PPP6R3: variants seen among roughly 807,000 people sequenced by gnomAD.
PPP6R3 encodes serine/threonine-protein phosphatase 6 regulatory subunit 3.
Under a neutral mutation model 110.7 loss-of-function variants are expected in PPP6R3, and 38 were observed. The observed-to-expected ratio is 0.34, with a 90% CI of 0.26 to 0.45. PPP6R3 has a LOEUF of 0.45. Ranked by LOEUF, PPP6R3 falls within the 20% of genes least tolerant of loss-of-function variation. PPP6R3 has a pLI of 1.00. For missense variants in PPP6R3, 870 were observed against 1,062.4 expected, an observed-to-expected ratio of 0.82 and a Z score of 2.52; for synonymous variants, 369 against 373.5, an observed-to-expected ratio of 0.99 and a Z score of 0.14.
At chr11:68,547,791 A>G (rs551728037) in intron 4 of PPP6R3, among the ~76,000 whole-genome samples, 26 of 152,348 alleles carry the variant, frequency 1.7e-4, no homozygotes, top group African/African-American at 6.3e-4. Flanking sequence ...TTCTTTGAGA[A>G]TGAATAATGA....
Position 68,615,270 on chromosome 11 carries a change from T to TA in PPP6R3, c.*2153_*2154insA. 2.8e-6 allele frequency: 1 copy of TA among 362,232 alleles called. No homozygotes were observed. The allele number at this position is 362,232 out of a possible 1,614,324, so 22.4% of individuals were successfully genotyped here. ...CATACTGAATTATGAGACTAACAGA[T>TA]GTCTACAATACAATACCTGTATTCA... On this transcript the variant is annotated 3_prime_UTR_variant, in exon 24 of 24. Coordinates refer to ENST00000393800, the MANE Select transcript of PPP6R3 (RefSeq NM_001164161.2).
At chr11:68,602,032 G>GA in intron 21 of PPP6R3, 63 bp downstream of exon 21, 1 of 1,337,910 alleles carries the variant, frequency 7.5e-7, no homozygotes, top group Non-Finnish European at 1.0e-6. Context: ...AACCAGACCT[G>GA]ATTCTCAGGC....
chr11:68,568,277 C>T (rs937876093), intron 10 of PPP6R3, among the ~76,000 whole-genome samples: 2 of 152,146 alleles, frequency 1.3e-5, no homozygotes, highest in African/African-American at 4.8e-5. Context: ...GGGAATATAA[C>T]GTTCCTAAGT....
At chr11:68,576,170 T>C in intron 14 of PPP6R3, 127 bp downstream of exon 14, 1 of 669,126 alleles carries the variant, frequency 1.5e-6, no homozygotes, top group Non-Finnish European at 2.4e-6. Context: ...TCTTATCTCT[T>C]TACCAGGGAG....
chr11:68,609,511 C>A, intron 22 of PPP6R3: 1 of 1,313,154 alleles, frequency 7.6e-7, no homozygotes, highest in Non-Finnish European at 1.1e-6. Context: ...GTTTTGCTTA[C>A]GTGCAGTCGT....
intron 3 of PPP6R3, among the ~76,000 whole-genome samples, chr11:68,542,389 G>GTTTTTTTTTTGTTTTTTTTTGTTT (rs1555132282): frequency 2.5e-5 from 1 of 40,188 alleles, no homozygotes; most frequent in Non-Finnish European, 4.1e-5. Context: ...AGAAGCTGCT[G>GTTTTTTTTTTGTTTTTTTTTGTTT]TTTTTTTTTT....
At chr11:68,516,686 C>G (rs1468409239) in intron 1 of PPP6R3, among the ~76,000 whole-genome samples, 1 of 152,138 alleles carries the variant, frequency 6.6e-6, no homozygotes, top group Non-Finnish European at 1.5e-5. Flanking sequence ...AAGACCCTGC[C>G]TTCAGTTCTT....
chr11:68,560,759 C>T (rs118177608), intron 8 of PPP6R3, among the ~76,000 whole-genome samples: 2,259 of 152,238 alleles, frequency 0.015, 35 homozygotes, highest in Non-Finnish European at 0.023. Flanking sequence ...TCTGTATCTG[C>T]TGAGGATTGG....
At chr11:68,582,450 C>G (rs2099560636) in intron 14 of PPP6R3, among the ~76,000 whole-genome samples, 1 of 152,156 alleles carries the variant, frequency 6.6e-6, no homozygotes, top group Admixed American at 6.5e-5. Flanking sequence ...GTTGTAAGTT[C>G]TGGGGGCAGG....
In PPP6R3 at chr11:68,537,661, C is replaced by T; in HGVS notation, c.-4C>T. 6.4e-7 allele frequency: 1 copy of T among 1,554,278 alleles called. No homozygotes were observed. The highest frequency in any genetic ancestry group is 8.8e-7 in the Non-Finnish European group (1 of 1,138,244). ...AATACTTTCTGCATTTTGTTTAGAC[C>T]AGCATGTTTTGGAAATTTGATCTTC... On this transcript the variant is annotated splice_region_variant and 5_prime_UTR_variant, in exon 3 of 24. Coordinates refer to ENST00000393800, the MANE Select transcript of PPP6R3 (RefSeq NM_001164161.2).
Position 68,614,725 on chromosome 11 carries a change from C to T in PPP6R3, c.*1608C>T, listed in dbSNP as rs12941. ...TGGGTCCCTTGACCTTTGCACGCCTCCTCAGGAACCCCCTTTCCCGGGTGA... is the reference window on the plus strand; with the variant it reads ...TGGGTCCCTTGACCTTTGCACGCCTTCTCAGGAACCCCCTTTCCCGGGTGA... On this transcript the variant is annotated 3_prime_UTR_variant, in exon 24 of 24. Coordinates refer to ENST00000393800, the MANE Select transcript of PPP6R3 (RefSeq NM_001164161.2). 376,593 of 1,531,960 alleles carry T rather than the reference C, an allele frequency of 0.25. 47,535 individuals are homozygous for T. Among genetic ancestry groups the T allele is most frequent in the Middle Eastern group, 0.3 (1,739 of 5,858 alleles). 94.9% of individuals were successfully genotyped at this position (1,531,960 alleles called of 1,614,324 possible).
chr11:68,514,399 T>TA (rs1413596413), intron 1 of PPP6R3, among the ~76,000 whole-genome samples: 3 of 152,116 alleles, frequency 2.0e-5, no homozygotes, highest in African/African-American at 7.2e-5. Context: ...CTTTTTTTTT[T>TA]AACCTATTTC....
chr11:68,539,807 C>T (rs554793656), intron 3 of PPP6R3, among the ~76,000 whole-genome samples: 6 of 152,246 alleles, frequency 3.9e-5, no homozygotes, highest in African/African-American at 9.6e-5. Flanking sequence ...TGAAGCATGA[C>T]GAGACAGGGA....
At chr11:68,582,585 A>G (rs2099562377) in intron 14 of PPP6R3, among the ~76,000 whole-genome samples, 1 of 152,238 alleles carries the variant, frequency 6.6e-6, no homozygotes, top group Non-Finnish European at 1.5e-5. Context: ...AGAATTTGAA[A>G]TGGTTATATT....
rs138435532 is a variant in PPP6R3 at position 68,544,946 on chromosome 11, C to T, written c.336C>T (p.Asn112=). 20 of 1,606,592 alleles carry T rather than the reference C, an allele frequency of 1.2e-5. No homozygotes were observed. The highest frequency in any genetic ancestry group is 1.1e-4 in the African/African-American group (8 of 74,712). ...TGAAATTATATAGCTTCCTCCTAAA[C>T]GATTCCCCTTTGAATCCACTACTTG... ...LLMKLYSFLL[N]DSPLNPLLAS... is the part of the protein sequence containing the mutation. The change falls in exon 4 of 24, where the codon AAC becomes AAT. Residue 112 remains asparagine (N), a synonymous_variant. Transcript: ENST00000393800.
At position 68,575,764 on chromosome 11, in the gene PPP6R3, G is replaced by T. The variant is rs563636803; in HGVS notation, c.1460-194G>T. The stretch of plus-strand genomic sequence containing the variant: ...GTTCCTGAAAGTCCATGGGATTTGG[G>T]CCTATGGAAGGTTTAATAATTCCAT... On this transcript the variant is annotated intron_variant, in intron 13 of 23. Transcript: ENST00000393800. Among the ~76,000 whole-genome samples the T allele has an allele frequency of 2.0e-5, 3 of 152,296 alleles. No homozygotes were observed. The East Asian group carries it at 5.8e-4, about 29-fold the overall frequency.
intron 3 of PPP6R3, among the ~76,000 whole-genome samples, chr11:68,543,006 T>G (rs571618952): frequency 1.3e-5 from 2 of 152,298 alleles, no homozygotes; most frequent in African/African-American, 2.4e-5. Context: ...CAACCCACTC[T>G]AGCAGCATTC....
chr11:68,490,526 C>T (rs550579496), intron 1 of PPP6R3, among the ~76,000 whole-genome samples: 2 of 152,046 alleles, frequency 1.3e-5, no homozygotes, highest in Admixed American at 6.5e-5. Context: ...AAATCTCCGT[C>T]GTTATTACTT....
At chr11:68,516,529 C>G (rs572499669) in intron 1 of PPP6R3, among the ~76,000 whole-genome samples, 77 of 152,286 alleles carry the variant, frequency 5.1e-4, no homozygotes, top group African/African-American at 1.8e-3. Flanking sequence ...TGAAATACTT[C>G]TGGTCTCAAG....
Sources: allele counts gnomAD v4.1 joint callset (sites outside exome capture counted in the v4.1 genomes callset), GRCh38; gene constraint gnomAD v4.1.1; transcripts MANE v1.5; gene names NCBI Gene and HGNC (gene_info 2026-07-23, HGNC 2026-07-21).